The following CSMD1 variants were observed in gnomAD, a reference collection of about 807,000 sequenced individuals.
CSMD1 encodes CUB and Sushi multiple domains 1, also known as CUB and sushi domain-containing protein 1.
In CSMD1, 213 loss-of-function variants were observed where a neutral mutation model predicts 417.5. The ratio of observed to expected loss-of-function variants is 0.51; its 90% CI spans 0.46 to 0.57. CSMD1 has a LOEUF of 0.57. Among genes scored for constraint, CSMD1 ranks in the 20% least tolerant of loss-of-function variants. The probability of loss-of-function intolerance (pLI) is 0.00; values close to 1 mark genes in which losing one functional copy is unlikely to be tolerated. For missense variants in CSMD1, 6,923 were observed against 4,529.7 expected (o/e 1.53, Z -15.17); for synonymous variants, 2,862 against 1,736.8 (o/e 1.65, Z -16.11).
rs375227520 is a variant in CSMD1, at chr8:4,405,629, G to T, written c.415+14324C>A. On this transcript the variant is annotated intron_variant, in intron 3 of 69. Transcript: ENST00000635120. ...TCAAAAAAGAAAAAAAGAAAAACAA[G>T]GTTTTGCTTGGCATTGCATTATCCT... Among the ~76,000 whole-genome samples the T allele has an allele frequency of 2.6e-5, 4 of 152,264 alleles. No individual in the cohort carries two copies. In the East Asian group the frequency reaches 7.7e-4, roughly 29 times the overall value.
intron 3 of CSMD1, among the ~76,000 whole-genome samples, chr8:4,349,289 G>C (rs1479176486): frequency 1.3e-5 from 2 of 152,148 alleles, no homozygotes; most frequent in African/African-American, 2.4e-5. Flanking sequence ...TTTTGCAGCA[G>C]TGGAAAGCTA....
intron 2 of CSMD1, among the ~76,000 whole-genome samples, chr8:4,478,844 C>G (rs1226971032): frequency 1.3e-5 from 2 of 152,132 alleles, no homozygotes; most frequent in Admixed American, 6.5e-5. Flanking sequence ...GCTTTGACAT[C>G]CATACTTAGA....
chr8:4,025,923 T>C (rs1246248399), intron 4 of CSMD1, among the ~76,000 whole-genome samples: 1 of 152,186 alleles, frequency 6.6e-6, no homozygotes, highest in Non-Finnish European at 1.5e-5. Flanking sequence ...AGGGAAAATA[T>C]TGCTAGTTTG....
At chr8:3,364,289 A>G (rs1232601375) in intron 20 of CSMD1, among the ~76,000 whole-genome samples, 1 of 152,174 alleles carries the variant, frequency 6.6e-6, no homozygotes, top group Admixed American at 6.5e-5. Context: ...GTCGACTTTG[A>G]AATCCAAAGT....
rs189402657 is a variant in CSMD1 at position 3,099,225 on chromosome 8, G to C, written c.6950-2188C>G. ...AAACCATCCAGACCACACAGAGGGA[G>C]GTCGTGGGAAGCATAAATAAACTTT... On this transcript the variant is annotated intron_variant, in intron 46 of 69. Coordinates refer to ENST00000635120, the MANE Select transcript of CSMD1 (RefSeq NM_033225.6). Among the ~76,000 whole-genome samples the C allele has an allele frequency of 4.6e-3, 704 of 152,224 alleles. 6 individuals carry two copies. Among genetic ancestry groups the C allele is most frequent in the African/African-American group, 0.016 (653 of 41,512 alleles).
At chr8:4,600,712 C>T (rs1472919492) in intron 2 of CSMD1, among the ~76,000 whole-genome samples, 1 of 152,108 alleles carries the variant, frequency 6.6e-6, no homozygotes, top group Non-Finnish European at 1.5e-5. Context: ...CTTTTCTACT[C>T]ACAGAAAGAC....
chr8:4,398,638 G>C (rs1371603669), intron 3 of CSMD1, among the ~76,000 whole-genome samples: 1 of 151,928 alleles, frequency 6.6e-6, no homozygotes, highest in Non-Finnish European at 1.5e-5. Context: ...CTCCTGATCT[G>C]CCCCTCTTGG....
intron 3 of CSMD1, among the ~76,000 whole-genome samples, chr8:4,247,574 C>A (rs1332947234): frequency 6.6e-6 from 1 of 152,104 alleles, no homozygotes; most frequent in East Asian, 1.9e-4. Context: ...CATAATACCA[C>A]CATTCTTGTT....
At chr8:3,074,745 G>T (rs1465174625) in intron 49 of CSMD1, among the ~76,000 whole-genome samples, 5 of 152,152 alleles carry the variant, frequency 3.3e-5, no homozygotes, top group African/African-American at 1.2e-4. Context: ...TTTTAGAATA[G>T]AATTTTTGGC....
chr8:4,579,684 C>G (rs1469603341), intron 2 of CSMD1, among the ~76,000 whole-genome samples: 1 of 152,026 alleles, frequency 6.6e-6, no homozygotes, highest in African/African-American at 2.4e-5. Context: ...TTTAAGGATA[C>G]TTCTGAAGCA....
chr8:3,243,369 A>G (rs185183024), intron 26 of CSMD1, among the ~76,000 whole-genome samples: 1 of 152,116 alleles, frequency 6.6e-6, no homozygotes, highest in African/African-American at 2.4e-5. Context: ...TGTGTGAGCA[A>G]TAAAGCTGTT....
intron 4 of CSMD1, among the ~76,000 whole-genome samples, chr8:4,015,165 A>C (rs1008975883): frequency 2.0e-5 from 3 of 152,182 alleles, no homozygotes; most frequent in African/African-American, 7.2e-5. Context: ...CTTATATAAA[A>C]ACTGTCCCAT....
At chr8:4,664,460 T>C (rs1804792195) in intron 1 of CSMD1, among the ~76,000 whole-genome samples, 2 of 151,992 alleles carry the variant, frequency 1.3e-5, no homozygotes, top group African/African-American at 4.8e-5. Context: ...CTCCAGAGGC[T>C]AAGGTGGGAG....
intron 5 of CSMD1, among the ~76,000 whole-genome samples, chr8:3,978,732 C>G (rs1057111368): frequency 2.3e-4 from 35 of 152,126 alleles, no homozygotes; most frequent in African/African-American, 8.4e-4. Context: ...TGTAAAAAGA[C>G]ATATCCCCAG....
chr8:3,415,684 T>A (rs1813091726), intron 12 of CSMD1, among the ~76,000 whole-genome samples: 1 of 152,182 alleles, frequency 6.6e-6, no homozygotes, highest in Admixed American at 6.5e-5. Flanking sequence ...TATAGGTGTG[T>A]GTGTATTATA....
intron 3 of CSMD1, among the ~76,000 whole-genome samples, chr8:4,370,196 T>G (rs1802317618): frequency 6.6e-6 from 1 of 152,176 alleles, no homozygotes; most frequent in African/African-American, 2.4e-5. Flanking sequence ...TCTCCTTTGC[T>G]TATGAAGGTT....
In CSMD1 at chr8:4,141,725, C is replaced by G. The variant is rs557560782; in HGVS notation, c.416-109626G>C. Among the ~76,000 whole-genome samples the G allele has an allele frequency of 1.6e-3, 235 of 151,132 alleles. 19 individuals are homozygous for G. The highest frequency in any genetic ancestry group is 5.7e-3 in the African/African-American group (230 of 40,520). ...AGGCAATTCTGATCTAATAATCTTG[C>G]AACTAAAAACGGATACAGTGATTCA... is the stretch of plus-strand genomic sequence containing the variant. On this transcript the variant is annotated intron_variant, in intron 3 of 69. Transcript: ENST00000635120.
intron 5 of CSMD1, among the ~76,000 whole-genome samples, chr8:3,933,114 G>C (rs894247196): frequency 7.2e-6 from 1 of 139,858 alleles, no homozygotes; most frequent in East Asian, 2.1e-4. Flanking sequence ...TATATATCTG[G>C]TTTATATATT....
At chr8:3,757,899 G>A (rs1424764159) in intron 5 of CSMD1, among the ~76,000 whole-genome samples, 3 of 151,910 alleles carry the variant, frequency 2.0e-5, no homozygotes, top group South Asian at 4.2e-4. Context: ...ACACCGAGCT[G>A]GAAGATAAAC....
Sources: allele counts gnomAD v4.1 joint callset (sites outside exome capture counted in the v4.1 genomes callset), GRCh38; gene constraint gnomAD v4.1.1; transcripts MANE v1.5; gene names NCBI Gene and HGNC (gene_info 2026-07-23, HGNC 2026-07-21).